The following USP46 variants were observed in gnomAD, a reference collection of about 807,000 sequenced individuals.
USP46 encodes ubiquitin carboxyl-terminal hydrolase 46.
In USP46, 12 loss-of-function variants were observed where a neutral mutation model predicts 44.4. That is an observed-to-expected ratio of 0.27 (90% CI 0.17 to 0.44). The LOEUF is 0.44. Ranked by LOEUF, USP46 falls within the 20% of genes least tolerant of loss-of-function variation. The probability of loss-of-function intolerance (pLI) is 1.00; values close to 1 mark genes in which losing one functional copy is unlikely to be tolerated. For missense variants in USP46, 248 were observed against 444.8 expected (o/e 0.56, Z 3.98); for synonymous variants, 155 against 161.5 (o/e 0.96, Z 0.31).
chr4:52,610,312 G>A (rs1716892417), intron 5 of USP46, among the ~76,000 whole-genome samples: 1 of 152,090 alleles, frequency 6.6e-6, no homozygotes, highest in South Asian at 2.1e-4. Context: ...CAAATCTACA[G>A]CCACTGCCAC....
rs1243851781 is a variant in USP46 at position 52,626,148 on chromosome 4, T to C, written c.431A>G (p.Lys144Arg). The C allele has an allele frequency of 1.2e-6, 2 of 1,613,914 alleles. No individual in the cohort carries two copies. The highest frequency in any genetic ancestry group is 1.7e-6 in the Non-Finnish European group (2 of 1,179,864). ...GCCATTTTTTAATTTTCCATTTTGT[T>C]TTTCCTGTTTCTTCTCCTCCTGAAG... is the stretch of plus-strand genomic sequence containing the variant. ...DILQEEKKQE[K>R]QNGKLKNGNM... The change falls in exon 4 of 9, where the codon AAA (lysine) becomes AGA (arginine). Residue 144 changes from lysine to arginine, a missense_variant. Around this residue, in one of 5 missense-constraint regions of USP46, gnomAD observed 37 missense variants for 30.6 expected, o/e 1.21. Transcript: ENST00000441222.
Position 52,619,718 on chromosome 4 carries a change from C to T in USP46, c.561+6300G>A, listed in dbSNP as rs142758332. 2.3e-4 allele frequency among the ~76,000 whole-genome samples: 35 copies of T among 152,280 alleles called. No individual in the cohort carries two copies. The East Asian group carries it at 4.6e-3, about 20-fold the overall frequency. On this transcript the variant is annotated intron_variant, in intron 4 of 8. Coordinates refer to ENST00000441222, the MANE Select transcript of USP46 (RefSeq NM_022832.4). ...AGAGCTTTCTAAAAATGGAATGCAA[C>T]GCCTTGGGAGATTGATTCCCTGCCT...
At chr4:52,606,974 G>A (rs569523934) in intron 5 of USP46, among the ~76,000 whole-genome samples, 14 of 152,278 alleles carry the variant, frequency 9.2e-5, no homozygotes, top group East Asian at 7.7e-4. Flanking sequence ...GGAGTGGAAC[G>A]GGGAGCCAGA....
At chr4:52,614,814 T>C (rs1717059773) in intron 4 of USP46, among the ~76,000 whole-genome samples, 1 of 152,238 alleles carries the variant, frequency 6.6e-6, no homozygotes, top group Non-Finnish European at 1.5e-5. Flanking sequence ...GTGGGATTTA[T>C]ATTCTACATA....
intron 1 of USP46, among the ~76,000 whole-genome samples, chr4:52,657,028 G>C (rs994428765): frequency 2.4e-5 from 3 of 127,432 alleles, no homozygotes; most frequent in Non-Finnish European, 4.8e-5. Flanking sequence ...GGGTGACAGT[G>C]TGAGACCTTG....
At chr4:52,655,008 A>T (rs1338657960) in intron 1 of USP46, among the ~76,000 whole-genome samples, 1 of 152,258 alleles carries the variant, frequency 6.6e-6, no homozygotes, top group Non-Finnish European at 1.5e-5. Context: ...GCTTAACTGG[A>T]GAGACACCCA....
In USP46 at chr4:52,595,403, T is replaced by G. The variant is rs1238370295; in HGVS notation, c.*2237A>C. On this transcript the variant is annotated 3_prime_UTR_variant, in exon 9 of 9. Transcript: ENST00000441222. Reference sequence around the variant, plus strand: ...AGCTGATGGAGTGTTGCTGGAGAAGTGTGTTTTGGTCTTTTTCCAATCTTC... The same window carrying G: ...AGCTGATGGAGTGTTGCTGGAGAAGGGTGTTTTGGTCTTTTTCCAATCTTC... 6.6e-6 allele frequency: 1 copy of G among 152,550 alleles called. No individual in the cohort carries two copies. The highest frequency in any genetic ancestry group is 2.4e-5 in the African/African-American group (1 of 41,422). 9.4% of individuals were successfully genotyped at this position (152,550 alleles called of 1,614,324 possible).
rs1211026398 is a variant in USP46, at chr4:52,659,048, G to C, written c.36+67C>G. 1 of 1,508,178 alleles carries C rather than the reference G, an allele frequency of 6.6e-7. No individual in the cohort carries two copies. Among genetic ancestry groups the C allele is most frequent in the Admixed American group, 2.2e-5 (1 of 45,784 alleles). The allele number at this position is 1,508,178 out of a possible 1,614,324, so 93.4% of individuals were successfully genotyped here. A position where few individuals can be genotyped will look rare whatever the true frequency, so the allele number is the denominator to read the frequency against. ...GCCCCAGCCACCGGGCGTGTGTGCAGCTCGGGCTTCCCTTTCTTTGCCTCG... is the reference window on the plus strand; with the variant it reads ...GCCCCAGCCACCGGGCGTGTGTGCACCTCGGGCTTCCCTTTCTTTGCCTCG... On this transcript the variant is annotated intron_variant, in intron 1 of 8. Transcript: ENST00000441222. The surrounding 1 kb of genome is among the most constrained non-coding windows in gnomAD (Gnocchi z 4.2).
rs1719071596 is a variant in USP46 at position 52,659,079 on chromosome 4, A to C, written c.36+36T>G. On this transcript the variant is annotated intron_variant, in intron 1 of 8. Transcript: ENST00000441222. This position sits in a 1 kb window ranked among gnomAD's most constrained non-coding sequence, Gnocchi z 4.2. ...GCTTCCCTTTCTTTGCCTCGCCGCG[A>C]GTCGGGCGCGACCCCGAGGCGGCTC... 1 of 1,544,730 alleles carries C rather than the reference A, an allele frequency of 6.5e-7. No individual in the cohort carries two copies. The highest frequency in any genetic ancestry group is 1.4e-5 in the African/African-American group (1 of 70,290).
At chr4:52,640,325 G>A (rs553259086) in intron 1 of USP46, among the ~76,000 whole-genome samples, 1 of 152,084 alleles carries the variant, frequency 6.6e-6, no homozygotes, top group Non-Finnish European at 1.5e-5. Flanking sequence ...AGGGACACAA[G>A]GTGAACAAGA....
Position 52,591,261 on chromosome 4 carries a change from C to T in USP46, c.*6379G>A, listed in dbSNP as rs1162552753. ...AATATGAATATGGCTGCATTGGATT[C>T]CAGAGGAGGACTTGATCAAATACAC... is the stretch of plus-strand genomic sequence containing the variant. On this transcript the variant is annotated 3_prime_UTR_variant, in exon 9 of 9. Coordinates refer to ENST00000441222, the MANE Select transcript of USP46 (RefSeq NM_022832.4). The T allele has an allele frequency of 6.6e-6, 1 of 152,142 alleles. No individual in the cohort carries two copies. The highest frequency in any genetic ancestry group is 1.5e-5 in the Non-Finnish European group (1 of 68,024). The allele number at this position is 152,142 out of a possible 1,614,324, so 9.4% of individuals were successfully genotyped here.
intron 4 of USP46, among the ~76,000 whole-genome samples, chr4:52,615,108 A>T (rs13106811): frequency 2.6e-5 from 4 of 152,160 alleles, no homozygotes; most frequent in African/African-American, 9.6e-5. Context: ...AATATAGAAG[A>T]GGAACAGAAG....
chr4:52,655,130 G>T (rs1460960161), intron 1 of USP46, among the ~76,000 whole-genome samples: 1 of 152,208 alleles, frequency 6.6e-6, no homozygotes, highest in Non-Finnish European at 1.5e-5. Flanking sequence ...ATGTATTTTT[G>T]AAATGTCCTG....
intron 1 of USP46, among the ~76,000 whole-genome samples, chr4:52,657,632 C>T (rs1342004351): frequency 6.6e-6 from 1 of 152,204 alleles, no homozygotes; most frequent in Non-Finnish European, 1.5e-5. Flanking sequence ...GAGAAGGCAT[C>T]ACCTCTTCAC....
chr4:52,606,468 G>A (rs535210957), intron 5 of USP46, among the ~76,000 whole-genome samples: 2 of 152,308 alleles, frequency 1.3e-5, no homozygotes, highest in East Asian at 3.9e-4. Context: ...GTCTTACATG[G>A]CAGCAGACAA....
chr4:52,609,894 ATTTCTTTTTTTTTTTT>A (rs1716863875), intron 5 of USP46, among the ~76,000 whole-genome samples: 1 of 20,642 alleles, frequency 4.8e-5, no homozygotes, highest in East Asian at 1.0e-3. Flanking sequence ...CCTCAATTCT[ATTTCTTTTTTTTTTTT>A]TTTTTTTTTT....
chr4:52,637,215 T>C (rs1718150564), intron 1 of USP46, among the ~76,000 whole-genome samples: 1 of 152,142 alleles, frequency 6.6e-6, no homozygotes, highest in African/African-American at 2.4e-5. Flanking sequence ...GAGCTTCAAA[T>C]CTGGCAAACT....
Position 52,633,363 on chromosome 4 carries a change from C to T in USP46, c.37-2219G>A, listed in dbSNP as rs1005210257. Among the ~76,000 whole-genome samples, 4 of 152,166 alleles carry T rather than the reference C, an allele frequency of 2.6e-5. No individual in the cohort carries two copies. In the East Asian group the frequency reaches 7.7e-4, roughly 29 times the overall value. The stretch of plus-strand genomic sequence containing the variant: ...GGATCATTTGCATCTAGGATAGTTT[C>T]CATGTCTTTTCATTAGTATGGGGGA... On this transcript the variant is annotated intron_variant, in intron 1 of 8. Coordinates refer to ENST00000441222, the MANE Select transcript of USP46 (RefSeq NM_022832.4).
chr4:52,617,250 G>C (rs1446698952), intron 4 of USP46, among the ~76,000 whole-genome samples: 1 of 152,052 alleles, frequency 6.6e-6, no homozygotes, highest in Non-Finnish European at 1.5e-5. Context: ...TCCTTAATTA[G>C]CAGAACTTTT....
Sources: gnomAD v4.1 joint callset for allele counts (sites outside exome capture counted in the v4.1 genomes callset) on GRCh38, gnomAD v4.1.1 for gene constraint, gnomAD v4.1.1 regional missense constraint, Gnocchi (gnomAD v3.1) non-coding constraint, MANE v1.5 for transcripts, NCBI Gene and HGNC (gene_info 2026-07-23, HGNC 2026-07-21) for gene names.